HNRNPL: variants seen among roughly 807,000 people sequenced by gnomAD.
HNRNPL encodes the protein epididymis secretory sperm binding protein.
HNRNPL carries 12 observed loss-of-function variants against 64.0 expected under a neutral mutation model. The observed-to-expected ratio is 0.19, with a 90% CI of 0.12 to 0.30. HNRNPL has a LOEUF of 0.30. Among genes scored for constraint, HNRNPL ranks in the 10% least tolerant of loss-of-function variants. The pLI, the probability that HNRNPL is intolerant of heterozygous loss-of-function variation, is 1.00. For missense variants in HNRNPL, 484 were observed against 797.4 expected, an observed-to-expected ratio of 0.61 and a Z score of 4.73; for synonymous variants, 385 against 313.0, an observed-to-expected ratio of 1.23 and a Z score of -2.43.
chr19:38,843,581 G>T, intron 6 of HNRNPL: 1 of 504,926 alleles, frequency 2.0e-6, no homozygotes, highest in South Asian at 2.5e-5. Context: ...TCCTCAGTGA[G>T]GCCCTGCTCC....
At chr19:38,844,430 C>T (rs1339116919) in intron 4 of HNRNPL, among the ~76,000 whole-genome samples, 1 of 152,166 alleles carries the variant, frequency 6.6e-6, no homozygotes, top group Admixed American at 6.5e-5. Context: ...AACATCAACT[C>T]GATTACAGCT....
intron 10 of HNRNPL, 66 bp from the exon 11 acceptor site, chr19:38,837,717 G>T: frequency 7.1e-7 from 1 of 1,410,368 alleles, no homozygotes; most frequent in South Asian, 1.2e-5. Flanking sequence ...GATTCAAGCA[G>T]ACCAGGCCCT....
rs1420635575 is a variant in HNRNPL, at chr19:38,836,428, A to T, written c.*294T>A. On this transcript the variant is annotated 3_prime_UTR_variant, in exon 13 of 13. Transcript: ENST00000221419. Reference sequence around the variant, plus strand: ...CCAAACAATTTTATTGAAATGTGCCAAGAGTACATGGGCAGCACAAATGTA... The same window carrying T: ...CCAAACAATTTTATTGAAATGTGCCTAGAGTACATGGGCAGCACAAATGTA... 3.7e-6 allele frequency: 1 copy of T among 272,332 alleles called. No homozygotes were observed. Among genetic ancestry groups the T allele is most frequent in the Non-Finnish European group, 7.0e-6 (1 of 142,654 alleles). 16.9% of individuals were successfully genotyped at this position (272,332 alleles called of 1,614,324 possible).
At chr19:38,849,258 G>A (rs1346471647) in intron 1 of HNRNPL, 2 of 182,682 alleles carry the variant, frequency 1.1e-5, no homozygotes, top group East Asian at 2.8e-4. Context: ...CCATCAGACG[G>A]AATTCCCCAC....
Position 38,849,778 on chromosome 19 carries a change from A to G in HNRNPL, c.189T>C (p.Thr63=), listed in dbSNP as rs551420089. 6,436 of 1,402,286 alleles carry G rather than the reference A, an allele frequency of 4.6e-3. 54 individuals carry two copies. The highest frequency in any genetic ancestry group is 0.024 in the Middle Eastern group (96 of 4,080). The allele number at this position is 1,402,286 out of a possible 1,614,324, so 86.9% of individuals were successfully genotyped here. A position where few individuals can be genotyped will look rare whatever the true frequency, so the allele number is the denominator to read the frequency against. The change falls in exon 1 of 13, where the codon ACT becomes ACC. Residue 63 remains threonine (T), a synonymous_variant. Coordinates refer to ENST00000221419, the MANE Select transcript of HNRNPL (RefSeq NM_001533.3). ...CTCCGTGCTGGTCGCCGGCGTTGTCAGTCTTGAGCCGCTTAGGGGCCCGGC... is the reference window on the plus strand; with the variant it reads ...CTCCGTGCTGGTCGCCGGCGTTGTCGGTCTTGAGCCGCTTAGGGGCCCGGC... ...EGGRAPKRLK[T]DNAGDQHGGG...
intron 4 of HNRNPL, among the ~76,000 whole-genome samples, 173 bp from the exon 5 acceptor site, chr19:38,844,277 G>C (rs1972212218): frequency 6.6e-6 from 1 of 152,182 alleles, no homozygotes; most frequent in Non-Finnish European, 1.5e-5. Context: ...AAACGGTGTT[G>C]ATGGACTCAA....
At position 38,840,392 on chromosome 19, in the gene HNRNPL, G is replaced by T; in HGVS notation, c.953-16C>A. Reference sequence around the variant, plus strand: ...TGGGGCCCTCCTGGGGGGTGGGAAGGAAAGAGAGGGAGGACGGGTGAGAAT... The same window carrying T: ...TGGGGCCCTCCTGGGGGGTGGGAAGTAAAGAGAGGGAGGACGGGTGAGAAT... On this transcript the variant is annotated splice_polypyrimidine_tract_variant and intron_variant, in intron 7 of 12. Coordinates refer to ENST00000221419, the MANE Select transcript of HNRNPL (RefSeq NM_001533.3). The T allele has an allele frequency of 6.4e-7, 1 of 1,562,894 alleles. No individual in the cohort carries two copies. The highest frequency in any genetic ancestry group is 1.2e-5 in the South Asian group (1 of 84,590).
chr19:38,849,552 G>C, intron 1 of HNRNPL, 148 bp downstream of exon 1: 3 of 1,116,464 alleles, frequency 2.7e-6, no homozygotes, highest in Non-Finnish European at 2.3e-6. Flanking sequence ...CCCGCCGTTT[G>C]CCCAACGGCC....
chr19:38,840,171 G>C lies in HNRNPL; in HGVS notation c.1158C>G (p.Val386=), dbSNP rs1306145061. 1 of 1,369,180 alleles carries C rather than the reference G, an allele frequency of 7.3e-7. No individual in the cohort carries two copies. Among genetic ancestry groups the C allele is most frequent in the South Asian group, 1.1e-5 (1 of 87,816 alleles). The allele number at this position is 1,369,180 out of a possible 1,614,324, so 84.8% of individuals were successfully genotyped here. A position where few individuals can be genotyped will look rare whatever the true frequency, so the allele number is the denominator to read the frequency against. Residue 386 remains valine (V), a synonymous_variant, in exon 8 of 13, where the codon GTC becomes GTG. Transcript: ENST00000221419. ...TCATCTTAGATTGATCCAAGCCATA[G>C]ACCATGAGCACAGGGCTGTCGGCGT... The part of the protein sequence containing the change: ...GPHADSPVLM[V]YGLDQSKMNC...
chr19:38,849,359 C>A (rs902499722), intron 1 of HNRNPL: 1 of 246,128 alleles, frequency 4.1e-6, no homozygotes, highest in Non-Finnish European at 7.8e-6. Context: ...TGCGCCTGCG[C>A]ATGGAGCCAG....
At chr19:38,850,047 G>A (rs1409881270), upstream of HNRNPL, 1 of 1,206,286 alleles carries the variant, frequency 8.3e-7, no homozygotes, top group Non-Finnish European at 1.1e-6. Context: ...CCGATAGGGG[G>A]AGCCACTGGT....
chr19:38,850,351 C>T (rs951794621), upstream of HNRNPL: 2 of 202,544 alleles, frequency 9.9e-6, no homozygotes, highest in East Asian at 2.3e-4. Flanking sequence ...TCCGTCAGCA[C>T]CAGTCACAAT....
intron 2 of HNRNPL, among the ~76,000 whole-genome samples, chr19:38,846,827 G>C (rs1160599577): frequency 6.6e-6 from 1 of 152,204 alleles, no homozygotes; most frequent in Non-Finnish European, 1.5e-5. Context: ...AGAATGGCGT[G>C]AACCCACGAG....
intron 2 of HNRNPL, among the ~76,000 whole-genome samples, chr19:38,847,052 C>G (rs984798413): frequency 2.6e-5 from 4 of 152,168 alleles, no homozygotes; most frequent in African/African-American, 9.7e-5. Flanking sequence ...CCAGCCTGGG[C>G]CACAAAGCGA....
At chr19:38,841,723 T>C (rs1303653207) in intron 6 of HNRNPL, 1 of 856,782 alleles carries the variant, frequency 1.2e-6, no homozygotes, top group Non-Finnish European at 1.7e-6. Flanking sequence ...CAAGTCACGG[T>C]ACACATCCGC....
At chr19:38,840,421 C>CACGGCGG in intron 7 of HNRNPL, 45 bp from the exon 8 acceptor site, 2 of 1,562,764 alleles carry the variant, frequency 1.3e-6, no homozygotes, top group Non-Finnish European at 1.7e-6. Context: ...TGAGAATTTG[C>CACGGCGG]ACGGCGGGCG....
intron 9 of HNRNPL, 23 bp downstream of exon 9, chr19:38,838,871 C>A: frequency 6.2e-7 from 1 of 1,613,900 alleles, no homozygotes; most frequent in Non-Finnish European, 8.5e-7. Flanking sequence ...ACCTCTGCTG[C>A]CCTCCCGAGC....
intron 10 of HNRNPL, among the ~76,000 whole-genome samples, 163 bp downstream of exon 10, chr19:38,838,232 GCA>G (rs754844521): frequency 3.9e-5 from 6 of 152,222 alleles, no homozygotes; most frequent in Non-Finnish European, 8.8e-5. Context: ...CAGTTTGAGA[GCA>G]CAGATTCCTA....
intron 7 of HNRNPL, 46 bp from the exon 8 acceptor site, chr19:38,840,422 ACGGCGGG>A (rs1185716766): frequency 6.4e-6 from 10 of 1,558,946 alleles, no homozygotes; most frequent in African/African-American, 1.4e-5. Flanking sequence ...GAGAATTTGC[ACGGCGGG>A]CGGCGGGCAG....
Sources: gnomAD v4.1 joint callset for allele counts (sites outside exome capture counted in the v4.1 genomes callset) on GRCh38, gnomAD v4.1.1 for gene constraint, MANE v1.5 for transcripts, NCBI Gene and HGNC (gene_info 2026-07-23, HGNC 2026-07-21) for gene names.